The following DOCK8 variants were observed in gnomAD, a reference collection of about 807,000 sequenced individuals.
DOCK8 encodes dedicator of cytokinesis protein 8.
In DOCK8, 141 loss-of-function variants were observed where a neutral mutation model predicts 245.6. The ratio of observed to expected loss-of-function variants is 0.57; its 90% confidence interval spans 0.50 to 0.66. The LOEUF (loss-of-function observed/expected upper bound fraction) is 0.66, where lower values mean the gene tolerates loss of function less well. Among genes scored for constraint, DOCK8 ranks in the 30% least tolerant of loss-of-function variants. The probability of loss-of-function intolerance (pLI) is 0.00; values close to 1 mark genes in which losing one functional copy is unlikely to be tolerated. For synonymous variants in DOCK8, 1,168 were observed against 970.2 expected (o/e 1.20, Z -3.79); for missense variants, 2,965 against 2,603.4 (o/e 1.14, Z -3.02).
At chr9:450,260 C>G (rs1450166680) in intron 45 of DOCK8, among the ~76,000 whole-genome samples, 1 of 152,112 alleles carries the variant, frequency 6.6e-6, no homozygotes, top group Non-Finnish European at 1.5e-5. Flanking sequence ...TTAGTCATGA[C>G]CAATTCACGC....
intron 5 of DOCK8, among the ~76,000 whole-genome samples, chr9:311,113 C>G (rs771993697): frequency 2.6e-5 from 4 of 152,026 alleles, no homozygotes; most frequent in Non-Finnish European, 5.9e-5. Context: ...TGGTGAAACC[C>G]TATCTCTACT....
chr9:408,878 A>AC lies in DOCK8; in HGVS notation c.3530+1810dup, dbSNP rs2055566008. 4.1e-5 allele frequency among the ~76,000 whole-genome samples: 4 copies of AC among 97,824 alleles called. No individual in the cohort carries two copies. In the South Asian group the frequency reaches 1.2e-3, roughly 30 times the overall value. The allele number at this position is 97,824 out of a possible 152,430, so 64.2% of individuals were successfully genotyped here. The stretch of plus-strand genomic sequence containing the variant: ...ATTCTTCAAACACACACACACACAC[A>AC]CACACACACGCACACACGCGCGTGC... On this transcript the variant is annotated intron_variant, in intron 28 of 47. Transcript: ENST00000432829.
At chr9:464,090 G>A in intron 47 of DOCK8, 69 bp from the exon 48 acceptor site, 2 of 1,353,058 alleles carry the variant, frequency 1.5e-6, no homozygotes, top group Non-Finnish European at 2.1e-6. Context: ...CTTTCTAAAA[G>A]GCTAACTGAT....
chr9:332,464 A>G lies in DOCK8; in HGVS notation c.1111A>G (p.Ser371Gly), dbSNP rs1357893904. The change falls in exon 10 of 48, where the codon AGT becomes GGT. Residue 371 changes from serine to glycine, a missense_variant. By Grantham distance (56) the Ser-to-Gly change is moderately conservative (BLOSUM62 0). Transcript: ENST00000432829. ...CAEPYTVIKE[S>G]DGGKSKEKIE... Reference sequence around the variant, plus strand: ...AGAGCCCTACACGGTTATCAAAGAAAGTGATGGTGGAAAGGTATGGTAATT... The same window carrying G: ...AGAGCCCTACACGGTTATCAAAGAAGGTGATGGTGGAAAGGTATGGTAATT... 1.9e-6 allele frequency: 3 copies of G among 1,612,200 alleles called. No individual in the cohort carries two copies. The highest frequency in any genetic ancestry group is 1.7e-6 in the Non-Finnish European group (2 of 1,178,394).
intron 22 of DOCK8, among the ~76,000 whole-genome samples, chr9:384,924 AAAATAAATAAAAAAT>A (rs1313946686): frequency 6.6e-6 from 1 of 152,218 alleles, no homozygotes; most frequent in African/African-American, 2.4e-5. Flanking sequence ...TAAAAAAATA[AAAATAAATAAAAAAT>A]AAATGAAAAA....
Position 390,717 on chromosome 9 carries a change from T to C in DOCK8, c.2970+151T>C. On this transcript the variant is annotated intron_variant, in intron 24 of 47. Coordinates refer to ENST00000432829, the MANE Select transcript of DOCK8 (RefSeq NM_203447.4). ...TAATCTCTCACCCCTCCCATCCTTC[T>C]TCCACTAAATTGTGTTGCTTCTACC... The C allele has an allele frequency of 4.0e-6, 3 of 743,176 alleles. No individual in the cohort carries two copies. The South Asian group carries it at 4.6e-5, about 11-fold the overall frequency. 46.0% of individuals were successfully genotyped at this position (743,176 alleles called of 1,614,324 possible).
chr9:214,730 C>G, upstream of DOCK8: 1 of 1,525,476 alleles, frequency 6.6e-7, no homozygotes, highest in Non-Finnish European at 8.8e-7. Context: ...GCGCTGGGCC[C>G]ACGCCCTCCT....
chr9:262,726 C>A (rs77745461), intron 1 of DOCK8, among the ~76,000 whole-genome samples: 5 of 152,108 alleles, frequency 3.3e-5, no homozygotes, highest in African/African-American at 1.2e-4. Flanking sequence ...TAGTAATGGT[C>A]TCATGGGTCT....
At chr9:355,436 C>G (rs538807055) in intron 14 of DOCK8, among the ~76,000 whole-genome samples, 10 of 151,892 alleles carry the variant, frequency 6.6e-5, no homozygotes, top group Admixed American at 5.9e-4. Flanking sequence ...TCTCCTGACC[C>G]TGTGATCTAC....
intron 1 of DOCK8, among the ~76,000 whole-genome samples, chr9:264,543 T>C (rs533509348): frequency 7.2e-5 from 11 of 152,356 alleles, no homozygotes; most frequent in African/African-American, 2.6e-4. Flanking sequence ...TAATCCATTG[T>C]GAGGCCACAG....
intron 26 of DOCK8, among the ~76,000 whole-genome samples, chr9:400,260 C>CATT (rs1463664029): frequency 2.8e-5 from 3 of 106,102 alleles, no homozygotes; most frequent in Admixed American, 9.1e-5. Flanking sequence ...CCATCACCAC[C>CATT]ACCTCCACCA....
intron 39 of DOCK8, among the ~76,000 whole-genome samples, chr9:437,174 A>C (rs976961168): frequency 2.0e-5 from 3 of 152,220 alleles, no homozygotes; most frequent in Non-Finnish European, 4.4e-5. Flanking sequence ...GGAATTTATC[A>C]GCCCGTCTGA....
chr9:427,483 C>A (rs567192437), intron 34 of DOCK8, among the ~76,000 whole-genome samples: 1 of 152,206 alleles, frequency 6.6e-6, no homozygotes, highest in South Asian at 2.1e-4. Context: ...ATTTGCCATC[C>A]CTGCTGTAGA....
rs934532924 is a variant in DOCK8, at chr9:422,511, C to T, written c.4241+376C>T. On this transcript the variant is annotated intron_variant, in intron 33 of 47. Transcript: ENST00000432829. ...TTTCTGGAAATATGTACAAGATATA[C>T]ATTCAGATATATTTATGTCAGTGCT... Among the ~76,000 whole-genome samples, 6 of 152,190 alleles carry T rather than the reference C, an allele frequency of 3.9e-5. No individual in the cohort carries two copies. In the South Asian group the frequency reaches 1.2e-3, roughly 32 times the overall value.
rs1361221950 is a variant in DOCK8 at position 396,854 on chromosome 9, G to C, written c.3040G>C (p.Asp1014His). The C allele has an allele frequency of 7.4e-6, 12 of 1,614,080 alleles. No individual in the cohort carries two copies. The highest frequency in any genetic ancestry group is 1.0e-5 in the Non-Finnish European group (12 of 1,180,022). Residue 1014 changes from aspartate to histidine, a missense_variant, in exon 25 of 48, where the codon GAC (aspartate) becomes CAC (histidine). Around this residue, in one of 3 missense-constraint regions of DOCK8, gnomAD observed 2,825 missense variants for 2,453.5 expected, o/e 1.15. Transcript: ENST00000432829. Reference protein sequence around the residue: ...RDSFRRTRFSDRFMDDITTIV... With the variant: ...RDSFRRTRFSHRFMDDITTIV... ...CAGTTTTCGGAGGACTCGTTTTTCT[G>C]ACCGTTTCATGGATGACATAACTAC...
At chr9:216,092 G>A (rs1005748083) in intron 1 of DOCK8, among the ~76,000 whole-genome samples, 7 of 152,182 alleles carry the variant, frequency 4.6e-5, no homozygotes, top group African/African-American at 1.7e-4. Context: ...GGCATATCGA[G>A]CTTTATTGAC....
upstream of DOCK8, among the ~76,000 whole-genome samples, chr9:212,179 G>C (rs776520841): frequency 6.6e-6 from 1 of 152,134 alleles, no homozygotes; most frequent in Non-Finnish European, 1.5e-5. Flanking sequence ...AAAGGACTTG[G>C]AGCAGTACCC....
At chr9:350,154 C>T (rs1352155808) in intron 14 of DOCK8, among the ~76,000 whole-genome samples, 1 of 152,158 alleles carries the variant, frequency 6.6e-6, no homozygotes, top group African/African-American at 2.4e-5. Context: ...GCTCTGTCTC[C>T]AAGATTGGAG....
At chr9:385,477 T>G (rs138698114) in intron 22 of DOCK8, among the ~76,000 whole-genome samples, 18 of 152,364 alleles carry the variant, frequency 1.2e-4, no homozygotes, top group African/African-American at 4.3e-4. Context: ...CCTAGTCCCT[T>G]CCTAATAATT....
Sources: allele counts gnomAD v4.1 joint callset (sites outside exome capture counted in the v4.1 genomes callset), GRCh38; gene constraint gnomAD v4.1.1; regional missense constraint gnomAD v4.1.1; transcripts MANE v1.5; gene names NCBI Gene and HGNC (gene_info 2026-07-23, HGNC 2026-07-21).